The following ADH7 variants were observed in gnomAD, a reference collection of about 807,000 sequenced individuals.
The protein encoded by ADH7 is alcohol dehydrogenase 7 (class IV), mu or sigma polypeptide.
In ADH7, 41 loss-of-function variants were observed where a neutral mutation model predicts 34.4. The observed-to-expected ratio is 1.19, with a 90% CI of 0.93 to 1.55. ADH7 has a LOEUF of 1.55. Ranked by LOEUF, ADH7 falls within the 40% of genes most tolerant of loss-of-function variation. The pLI is 0.00. For synonymous variants in ADH7, 180 were observed against 160.9 expected (o/e 1.12, Z -0.90); for missense variants, 540 against 461.2 (o/e 1.17, Z -1.56).
chr4:99,429,722 T>C, intron 1 of ADH7, 89 bp from the exon 2 acceptor site: 1 of 831,662 alleles, frequency 1.2e-6, no homozygotes. Flanking sequence ...CAGAAGAGCA[T>C]ATATAATATT....
At chr4:99,415,846 A>G (rs1478733486) in intron 7 of ADH7, 2 of 295,226 alleles carry the variant, frequency 6.8e-6, no homozygotes, top group Non-Finnish European at 6.3e-6. Flanking sequence ...GCTGGAAACC[A>G]TCATTCTCAG....
intron 1 of ADH7, among the ~76,000 whole-genome samples, chr4:99,432,256 C>T (rs1054434892): frequency 1.3e-5 from 2 of 152,018 alleles, no homozygotes; most frequent in Non-Finnish European, 2.9e-5. Context: ...TAAGTGGAAG[C>T]TAAATATTGA....
At chr4:99,416,090 G>A (rs970820805) in intron 7 of ADH7, among the ~76,000 whole-genome samples, 2 of 152,110 alleles carry the variant, frequency 1.3e-5, no homozygotes, top group Non-Finnish European at 2.9e-5. Flanking sequence ...GTATTCCAAC[G>A]TAACGAACCT....
In ADH7 at chr4:99,421,631, A is replaced by G. The variant is rs1405444084; in HGVS notation, c.565-838T>C. Among the ~76,000 whole-genome samples the G allele has an allele frequency of 2.0e-5, 3 of 152,226 alleles. No individual in the cohort carries two copies. In the East Asian group the frequency reaches 5.8e-4, roughly 29 times the overall value. On this transcript the variant is annotated intron_variant, in intron 5 of 8. Transcript: ENST00000437033. ...CAAAAACACCAAAAGCAATTGCAACAAAAGCCAAACTTGACAAATGGGATC... is the reference window on the plus strand; with the variant it reads ...CAAAAACACCAAAAGCAATTGCAACGAAAGCCAAACTTGACAAATGGGATC...
chr4:99,415,516 T>A lies in ADH7; in HGVS notation c.1062A>T (p.Lys354Asn). ...QLITHVLPFK[K>N]ISEGFELLNS... is the part of the protein sequence containing the mutation. ...TGAGCAGCTCAAATCCTTCACTGATTTTTTTAAATGGTAAAACATGAGTTA... is the reference window on the plus strand; with the variant it reads ...TGAGCAGCTCAAATCCTTCACTGATATTTTTAAATGGTAAAACATGAGTTA... The change falls in exon 8 of 9, where the codon AAA becomes AAT. Residue 354 changes from lysine (K) to asparagine (N), a missense_variant. Coordinates refer to ENST00000437033, the MANE Select transcript of ADH7 (RefSeq NM_000673.7). The A allele has an allele frequency of 3.7e-6, 6 of 1,613,448 alleles. No homozygotes were observed. Among genetic ancestry groups the A allele is most frequent in the Non-Finnish European group, 5.1e-6 (6 of 1,179,594 alleles).
In ADH7 at chr4:99,427,777, C is replaced by T; in HGVS notation, c.560G>A (p.Gly187Asp). The T allele has an allele frequency of 6.5e-7, 1 of 1,527,836 alleles. No homozygotes were observed. The highest frequency in any genetic ancestry group is 1.4e-5 in the African/African-American group (1 of 72,346). The allele number at this position is 1,527,836 out of a possible 1,614,324, so 94.6% of individuals were successfully genotyped here. The change falls in exon 5 of 9, where the codon GGC becomes GAC. Residue 187 changes from glycine (G) to aspartate (D), a missense_variant. Coordinates refer to ENST00000437033, the MANE Select transcript of ADH7 (RefSeq NM_000673.7). ...CTAGCCTACCCTGTTTCTTACCTTG[C>T]CAGTTTTAACAGCAGCGCCATATCC... ...STGYGAAVKT[G>D]KVKPGSTCVV... is the part of the protein sequence containing the mutation.
chr4:99,419,195 T>C (rs1721592579), intron 6 of ADH7, 74 bp from the exon 7 acceptor site: 8 of 1,484,920 alleles, frequency 5.4e-6, no homozygotes, highest in East Asian at 4.8e-5. Flanking sequence ...AAATGACCTA[T>C]GTACTATGAC....
At chr4:99,420,846 ACC>A (rs1560561564) in intron 5 of ADH7, 53 bp from the exon 6 acceptor site, 2 of 1,568,634 alleles carry the variant, frequency 1.3e-6, no homozygotes, top group Non-Finnish European at 1.7e-6. Flanking sequence ...AAAAAGTGAA[ACC>A]TGAAAAGGGC....
chr4:99,421,891 C>T (rs936498379), intron 5 of ADH7, among the ~76,000 whole-genome samples: 5 of 152,112 alleles, frequency 3.3e-5, no homozygotes, highest in African/African-American at 9.7e-5. Context: ...GGCCAATAAA[C>T]ATATGAAAAA....
At chr4:99,434,486 A>C (rs1382950482) in intron 1 of ADH7, among the ~76,000 whole-genome samples, 1 of 152,156 alleles carries the variant, frequency 6.6e-6, no homozygotes, top group Non-Finnish European at 1.5e-5. Flanking sequence ...AAATTGTTCA[A>C]GTTAAAACAA....
chr4:99,433,265 C>T (rs1050172016), intron 1 of ADH7, among the ~76,000 whole-genome samples: 1 of 151,858 alleles, frequency 6.6e-6, no homozygotes, highest in Non-Finnish European at 1.5e-5. Context: ...ATAAATTGTG[C>T]TAAATGCAGA....
At chr4:99,423,181 T>A (rs1176781151) in intron 5 of ADH7, among the ~76,000 whole-genome samples, 1 of 151,410 alleles carries the variant, frequency 6.6e-6, no homozygotes, top group South Asian at 2.1e-4. Flanking sequence ...TCCAGCTTCA[T>A]CCATGTCCCT....
At chr4:99,425,896 T>G (rs1002664144) in intron 5 of ADH7, among the ~76,000 whole-genome samples, 3 of 151,938 alleles carry the variant, frequency 2.0e-5, no homozygotes, top group Admixed American at 2.0e-4. Context: ...GAACTCAGGA[T>G]TAAGAAACTC....
intron 5 of ADH7, among the ~76,000 whole-genome samples, chr4:99,422,300 A>G (rs930383975): frequency 6.6e-6 from 1 of 152,262 alleles, no homozygotes; most frequent in Non-Finnish European, 1.5e-5. Context: ...TAGTACATAT[A>G]CACCATGGAA....
At chr4:99,415,762 C>T in intron 7 of ADH7, 146 bp from the exon 8 acceptor site, 1 of 816,256 alleles carries the variant, frequency 1.2e-6, no homozygotes, top group Non-Finnish European at 1.8e-6. Context: ...CTGTATTTGT[C>T]CCAGCATAAG....
At chr4:99,420,441 T>C in intron 6 of ADH7, 92 bp downstream of exon 6, 7 of 1,336,632 alleles carry the variant, frequency 5.2e-6, no homozygotes, top group Admixed American at 2.1e-5. Flanking sequence ...ATTTCCATTA[T>C]TGACTATTAA....
chr4:99,415,541 A>G lies in ADH7; in HGVS notation c.1037T>C (p.Ile346Thr). The change falls in exon 8 of 9, where the codon ATA becomes ACA. Residue 346 changes from isoleucine (I) to threonine (T), a missense_variant. Transcript: ENST00000437033. ...LAKKFDLDQLITHVLPFKKIS... is the reference protein window; with the variant it reads ...LAKKFDLDQLTTHVLPFKKIS... ...TTTTTTAAATGGTAAAACATGAGTTATCAACTGGTCCAGGTCAAATTTCTT... is the reference window on the plus strand; with the variant it reads ...TTTTTTAAATGGTAAAACATGAGTTGTCAACTGGTCCAGGTCAAATTTCTT... 2 of 1,613,724 alleles carry G rather than the reference A, an allele frequency of 1.2e-6. No homozygotes were observed. The highest frequency in any genetic ancestry group is 8.5e-7 in the Non-Finnish European group (1 of 1,179,746).
intron 5 of ADH7, among the ~76,000 whole-genome samples, 180 bp downstream of exon 5, chr4:99,427,593 T>G (rs528870674): frequency 2.6e-5 from 4 of 152,266 alleles, no homozygotes; most frequent in Admixed American, 6.5e-5. Flanking sequence ...AGAAATAAAA[T>G]TTCTAATCTG....
intron 8 of ADH7, among the ~76,000 whole-genome samples, chr4:99,414,852 G>A (rs1721481038): frequency 6.6e-6 from 1 of 152,078 alleles, no homozygotes; most frequent in South Asian, 2.1e-4. Flanking sequence ...GCAGCTTTAT[G>A]ATGAAATAAA....
Sources: gnomAD v4.1 joint callset for allele counts (sites outside exome capture counted in the v4.1 genomes callset) on GRCh38, gnomAD v4.1.1 for gene constraint, MANE v1.5 for transcripts, NCBI Gene and HGNC (gene_info 2026-07-23, HGNC 2026-07-21) for gene names.